Variants in CALN1 observed in about 807,000 individuals in gnomAD.
CALN1 encodes calneuron 1.
CALN1 carries 17 observed loss-of-function variants against 30.6 expected under a neutral mutation model. The ratio of observed to expected loss-of-function variants is 0.56; its 90% CI spans 0.38 to 0.83. The LOEUF (loss-of-function observed/expected upper bound fraction) is 0.83. Ranked by LOEUF, CALN1 falls within the 40% of genes least tolerant of loss-of-function variation. CALN1 has a pLI of 0.00. For synonymous variants in CALN1, 156 were observed against 131.4 expected, an observed-to-expected ratio of 1.19 and a Z score of -1.28; for missense variants, 291 against 354.9, an observed-to-expected ratio of 0.82 and a Z score of 1.45.
At position 72,072,560 on chromosome 7, in the gene CALN1, C is replaced by T. The variant is rs368767330; in HGVS notation, c.388+33591G>A. ...AAGGACACTAGACAGTAACTTGAAG[C>T]GATATGAAGAAATAAAGATCACAAA... is the stretch of plus-strand genomic sequence containing the variant. On this transcript the variant is annotated intron_variant, in intron 4 of 6. Transcript: ENST00000395275. Among the ~76,000 whole-genome samples, 17 of 151,662 alleles carry T rather than the reference C, an allele frequency of 1.1e-4. No individual in the cohort carries two copies. In the East Asian group the frequency reaches 2.5e-3, roughly 22 times the overall value.
intron 3 of CALN1, among the ~76,000 whole-genome samples, chr7:72,274,149 G>A (rs1379750653): frequency 6.6e-6 from 1 of 152,016 alleles, no homozygotes; most frequent in African/African-American, 2.4e-5. Flanking sequence ...TATATACAGT[G>A]GAACATTATA....
At chr7:72,382,223 A>C (rs550439018) in intron 2 of CALN1, among the ~76,000 whole-genome samples, 56 of 152,296 alleles carry the variant, frequency 3.7e-4, no homozygotes, top group African/African-American at 1.3e-3. Flanking sequence ...GGCTATATCC[A>C]GGGAGATTAG....
intron 5 of CALN1, among the ~76,000 whole-genome samples, chr7:72,016,157 G>C (rs1179806622): frequency 6.7e-6 from 1 of 149,752 alleles, no homozygotes; most frequent in East Asian, 2.0e-4. Context: ...GCAGAGGCAG[G>C]AGAATTGCTT....
intron 4 of CALN1, among the ~76,000 whole-genome samples, chr7:72,047,727 A>G (rs1362444325): frequency 6.6e-6 from 1 of 152,138 alleles, no homozygotes; most frequent in African/African-American, 2.4e-5. Flanking sequence ...ATGTCAATAA[A>G]TATTTACCCA....
chr7:71,792,308 G>A (rs991483507), intron 6 of CALN1, among the ~76,000 whole-genome samples: 9 of 152,028 alleles, frequency 5.9e-5, no homozygotes, highest in East Asian at 1.9e-4. Context: ...TGAGCCAGCC[G>A]CAACCCCCAG....
chr7:72,067,304 T>C (rs1804090229), intron 4 of CALN1, among the ~76,000 whole-genome samples: 1 of 151,974 alleles, frequency 6.6e-6, no homozygotes, highest in Non-Finnish European at 1.5e-5. Context: ...TGCAGTGGTG[T>C]GATCATGGCT....
chr7:72,225,951 C>T (rs915735283), intron 3 of CALN1, among the ~76,000 whole-genome samples: 3 of 151,978 alleles, frequency 2.0e-5, no homozygotes, highest in African/African-American at 7.2e-5. Flanking sequence ...CAAAAATTAG[C>T]CGGGTGTGGT....
rs1447994109 is a variant in CALN1 at position 72,403,247 on chromosome 7, T to G, written c.119+4A>C. ...GTCCTTGGGTTTGGGGGAAGAAGAC[T>G]TGCCAGGTGGGGAAGTCGGGGGCCT... On this transcript the variant is annotated splice_donor_region_variant and intron_variant, in intron 2 of 6. Coordinates refer to ENST00000395275, the MANE Select transcript of CALN1 (RefSeq NM_031468.4). 4 of 1,547,622 alleles carry G rather than the reference T, an allele frequency of 2.6e-6. No individual in the cohort carries two copies. The highest frequency in any genetic ancestry group is 1.4e-5 in the African/African-American group (1 of 73,042).
Position 71,782,220 on chromosome 7 carries a change from T to C in CALN1, c.*5555A>G, listed in dbSNP as rs1329410589. 1.3e-5 allele frequency: 2 copies of C among 152,202 alleles called. No individual in the cohort carries two copies. Among genetic ancestry groups the C allele is most frequent in the Non-Finnish European group, 2.9e-5 (2 of 68,042 alleles). The allele number at this position is 152,202 out of a possible 1,614,324, so 9.4% of individuals were successfully genotyped here. A position where few individuals can be genotyped will look rare whatever the true frequency, so the allele number is the denominator to read the frequency against. ...GAGATATTTGGGTCATAGGGACAGA[T>C]TCCTCATGAATGACTCGGTGCCCTC... is the stretch of plus-strand genomic sequence containing the variant. On this transcript the variant is annotated 3_prime_UTR_variant, in exon 7 of 7. Coordinates refer to ENST00000395275, the MANE Select transcript of CALN1 (RefSeq NM_031468.4).
intron 5 of CALN1, among the ~76,000 whole-genome samples, chr7:71,914,894 A>T (rs1794608893): frequency 6.6e-6 from 1 of 152,140 alleles, no homozygotes; most frequent in East Asian, 1.9e-4. Flanking sequence ...TTTATTATGC[A>T]TCCAACAAAA....
chr7:71,892,732 G>A (rs1187620202), intron 5 of CALN1, among the ~76,000 whole-genome samples: 2 of 152,210 alleles, frequency 1.3e-5, no homozygotes, highest in African/African-American at 4.8e-5. Context: ...AGTAAACAGA[G>A]GGGCTTACAA....
intron 5 of CALN1, among the ~76,000 whole-genome samples, chr7:71,914,402 C>T (rs1794585241): frequency 6.6e-6 from 1 of 152,204 alleles, no homozygotes; most frequent in Admixed American, 6.5e-5. Flanking sequence ...TTCATGGCTG[C>T]ATAGTATTCC....
chr7:71,810,768 A>G (rs1179871665), intron 5 of CALN1, among the ~76,000 whole-genome samples: 1 of 152,186 alleles, frequency 6.6e-6, no homozygotes, highest in Non-Finnish European at 1.5e-5. Flanking sequence ...TCATCCAGCC[A>G]TCTGCTGTCA....
At chr7:71,973,363 A>G (rs1797945173) in intron 5 of CALN1, among the ~76,000 whole-genome samples, 1 of 152,026 alleles carries the variant, frequency 6.6e-6, no homozygotes, top group African/African-American at 2.4e-5. Flanking sequence ...TTTAGTAGAG[A>G]CGGGGTTTTG....
Position 72,391,713 on chromosome 7 carries a change from TTTTTTG to T in CALN1, c.119+11532_119+11537del, listed in dbSNP as rs368253225. Among the ~76,000 whole-genome samples the T allele has an allele frequency of 5.6e-3, 852 of 152,196 alleles. 3 individuals carry two copies. The highest frequency in any genetic ancestry group is 0.014 in the African/African-American group (564 of 41,536). Reference sequence around the variant, plus strand: ...GAGTTCCCCTGCACAAGTTTTTTTGTTTTTTGTTTTTGTTTTTGTTTTTGCCTGCCA... The same window carrying T: ...GAGTTCCCCTGCACAAGTTTTTTTGTTTTTTGTTTTTGTTTTTGCCTGCCA... On this transcript the variant is annotated intron_variant, in intron 2 of 6. Coordinates refer to ENST00000395275, the MANE Select transcript of CALN1 (RefSeq NM_031468.4).
chr7:72,007,958 G>C (rs1799866711), intron 5 of CALN1, among the ~76,000 whole-genome samples: 2 of 152,098 alleles, frequency 1.3e-5, no homozygotes, highest in Non-Finnish European at 1.5e-5. Flanking sequence ...CACACACAAA[G>C]AGAAAGTGTC....
At chr7:71,866,386 TTATG>T (rs1395803093) in intron 5 of CALN1, among the ~76,000 whole-genome samples, 2 of 152,100 alleles carry the variant, frequency 1.3e-5, no homozygotes, top group East Asian at 1.9e-4. Flanking sequence ...ATATGCTATA[TTATG>T]TATATTATGC....
At chr7:72,392,074 G>A (rs1167618766) in intron 2 of CALN1, among the ~76,000 whole-genome samples, 1 of 152,194 alleles carries the variant, frequency 6.6e-6, no homozygotes, top group Non-Finnish European at 1.5e-5. Context: ...TCACTGAGAT[G>A]CTCCCTTTTA....
intron 4 of CALN1, among the ~76,000 whole-genome samples, chr7:72,082,952 A>G (rs1041092561): frequency 2.6e-5 from 4 of 152,238 alleles, no homozygotes; most frequent in African/African-American, 7.2e-5. Flanking sequence ...CTGTAATCCC[A>G]GCACTTTGGG....
Sources: gnomAD v4.1 joint callset for allele counts (sites outside exome capture counted in the v4.1 genomes callset) on GRCh38, gnomAD v4.1.1 for gene constraint, MANE v1.5 for transcripts, NCBI Gene and HGNC (gene_info 2026-07-23, HGNC 2026-07-21) for gene names.